SLIT3: variants seen among roughly 807,000 people sequenced by gnomAD.
SLIT3 encodes slit guidance ligand 3.
A neutral mutation model predicts 184.0 loss-of-function variants in SLIT3; 68 were observed. The ratio of observed to expected loss-of-function variants is 0.37; its 90% CI spans 0.30 to 0.45. The LOEUF (loss-of-function observed/expected upper bound fraction) is 0.45, where lower values mean the gene tolerates loss of function less well. Ranked by LOEUF, SLIT3 falls within the 20% of genes least tolerant of loss-of-function variation. The pLI, the probability that SLIT3 is intolerant of heterozygous loss-of-function variation, is 1.00. For missense variants in SLIT3, 1,707 were observed against 2,026.0 expected, an observed-to-expected ratio of 0.84 and a Z score of 3.02; for synonymous variants, 831 against 828.6, an observed-to-expected ratio of 1.00 and a Z score of -0.05.
At chr5:169,293,019 T>C (rs937070409) in intron 1 of SLIT3, among the ~76,000 whole-genome samples, 4 of 152,160 alleles carry the variant, frequency 2.6e-5, no homozygotes, top group African/African-American at 9.7e-5. Context: ...TTCTAACTAA[T>C]ACAGTCCAAG....
At chr5:168,810,884 A>G (rs914572601) in intron 8 of SLIT3, among the ~76,000 whole-genome samples, 9 of 152,080 alleles carry the variant, frequency 5.9e-5, no homozygotes, top group African/African-American at 2.2e-4. Flanking sequence ...TCTCACAGGG[A>G]AAGTCCCTGC....
chr5:168,754,108 C>T, intron 16 of SLIT3, 101 bp from the exon 17 acceptor site: 1 of 1,266,704 alleles, frequency 7.9e-7, no homozygotes, highest in Non-Finnish European at 1.1e-6. Flanking sequence ...CTCTCTGGGG[C>T]CCCTGAGACT....
intron 3 of SLIT3, among the ~76,000 whole-genome samples, chr5:169,205,981 G>A (rs1197687659): frequency 6.6e-6 from 1 of 152,222 alleles, no homozygotes; most frequent in South Asian, 2.1e-4. Context: ...CAGAGTCAGG[G>A]CAAGCATTCT....
At chr5:168,810,488 T>C (rs1338809126) in intron 8 of SLIT3, among the ~76,000 whole-genome samples, 1 of 152,188 alleles carries the variant, frequency 6.6e-6, no homozygotes, top group Non-Finnish European at 1.5e-5. Flanking sequence ...TTTAAATAAG[T>C]GTCCACACTA....
chr5:168,671,135 G>T, intron 34 of SLIT3, 63 bp downstream of exon 34: 2 of 1,540,274 alleles, frequency 1.3e-6, no homozygotes, highest in Non-Finnish European at 1.8e-6. Context: ...TTTCTCAGGT[G>T]GGGTAGGGAC....
rs563921178 is a variant in SLIT3, at chr5:169,141,182, T to C, written c.413+52297A>G. On this transcript the variant is annotated intron_variant, in intron 4 of 35. Coordinates refer to ENST00000519560, the MANE Select transcript of SLIT3 (RefSeq NM_003062.4). Reference sequence around the variant, plus strand: ...TTTCTCCCTCAAAATAGAATAGAAATAGAATTAGGTCTACCCCGACATGAC... The same window carrying C: ...TTTCTCCCTCAAAATAGAATAGAAACAGAATTAGGTCTACCCCGACATGAC... 2.6e-5 allele frequency among the ~76,000 whole-genome samples: 4 copies of C among 152,242 alleles called. No homozygotes were observed. In the South Asian group the frequency reaches 6.2e-4, roughly 24 times the overall value.
At chr5:168,888,496 G>A (rs991688696) in intron 4 of SLIT3, among the ~76,000 whole-genome samples, 5 of 152,176 alleles carry the variant, frequency 3.3e-5, no homozygotes, top group Non-Finnish European at 7.3e-5. Flanking sequence ...AGAAGGCTTC[G>A]GGGATAGTTC....
intron 3 of SLIT3, among the ~76,000 whole-genome samples, chr5:169,234,537 G>A (rs930123840): frequency 3.3e-5 from 5 of 152,146 alleles, no homozygotes; most frequent in Non-Finnish European, 7.3e-5. Flanking sequence ...CTGAGTAGCT[G>A]GGACTACAGG....
chr5:168,746,194 C>A (rs1262937846), intron 20 of SLIT3, among the ~76,000 whole-genome samples: 1 of 152,184 alleles, frequency 6.6e-6, no homozygotes, highest in Non-Finnish European at 1.5e-5. Flanking sequence ...TACGTGCTAA[C>A]CTGGCCCAGA....
chr5:168,893,692 C>T lies in SLIT3; in HGVS notation c.414-10356G>A, dbSNP rs574085338. Among the ~76,000 whole-genome samples the T allele has an allele frequency of 3.3e-5, 5 of 152,134 alleles. No homozygotes were observed. In the East Asian group the frequency reaches 9.7e-4, roughly 29 times the overall value. On this transcript the variant is annotated intron_variant, in intron 4 of 35. Coordinates refer to ENST00000519560, the MANE Select transcript of SLIT3 (RefSeq NM_003062.4). The stretch of plus-strand genomic sequence containing the variant: ...ACATTCCCATGCCAAAAAGCTTTTG[C>T]AATTAGGAGATGAAATCTTGTGAGT...
At chr5:168,767,240 C>A (rs993971443) in intron 14 of SLIT3, among the ~76,000 whole-genome samples, 1 of 151,494 alleles carries the variant, frequency 6.6e-6, no homozygotes, top group Non-Finnish European at 1.5e-5. Context: ...AAGAGTCACA[C>A]CTCATGATGG....
At chr5:168,820,246 G>A (rs1757479574) in intron 7 of SLIT3, among the ~76,000 whole-genome samples, 1 of 152,180 alleles carries the variant, frequency 6.6e-6, no homozygotes. Flanking sequence ...CTCCTGGGCT[G>A]TGCAGAGGCT....
chr5:168,911,237 T>C (rs1232366685), intron 4 of SLIT3, among the ~76,000 whole-genome samples: 1 of 152,204 alleles, frequency 6.6e-6, no homozygotes, highest in African/African-American at 2.4e-5. Context: ...GATATATGTA[T>C]GTTAAACTCC....
chr5:169,293,274 T>C (rs1221493795), intron 1 of SLIT3, among the ~76,000 whole-genome samples: 1 of 151,998 alleles, frequency 6.6e-6, no homozygotes, highest in African/African-American at 2.4e-5. Context: ...CTTATTAGGA[T>C]TGTGGTTTTT....
chr5:168,990,437 G>A (rs904982790), intron 4 of SLIT3, among the ~76,000 whole-genome samples: 8 of 152,106 alleles, frequency 5.3e-5, no homozygotes, highest in Non-Finnish European at 4.4e-5. Context: ...TTCACATGGC[G>A]GGCTTCACCT....
chr5:169,253,843 T>G (rs1008266371), intron 1 of SLIT3, among the ~76,000 whole-genome samples: 8 of 152,210 alleles, frequency 5.3e-5, no homozygotes, highest in African/African-American at 1.9e-4. Flanking sequence ...ATCTATTTTG[T>G]GGCTGACAAA....
chr5:168,722,359 T>C (rs1762970915), intron 22 of SLIT3, 32 bp from the exon 23 acceptor site: 1 of 1,591,624 alleles, frequency 6.3e-7, no homozygotes, highest in Admixed American at 1.7e-5. Flanking sequence ...CCCTGTTGTG[T>C]CTTTCTATTC....
chr5:169,144,216 C>T (rs6891734), intron 4 of SLIT3, among the ~76,000 whole-genome samples: 1,574 of 152,338 alleles, frequency 0.01, 33 homozygotes, highest in African/African-American at 0.036. Context: ...CACACTCGTT[C>T]CTGTCTTGGG....
chr5:169,206,375 T>G (rs1008056651), intron 3 of SLIT3, among the ~76,000 whole-genome samples: 2 of 152,236 alleles, frequency 1.3e-5, no homozygotes. Flanking sequence ...AGATTCTCCA[T>G]GTTCTCTCTG....
Sources: allele counts gnomAD v4.1 joint callset (sites outside exome capture counted in the v4.1 genomes callset), GRCh38; gene constraint gnomAD v4.1.1; transcripts MANE v1.5; gene names NCBI Gene and HGNC (gene_info 2026-07-23, HGNC 2026-07-21).